The following ARID4A variants were observed in gnomAD, a reference collection of about 807,000 sequenced individuals.
ARID4A encodes AT-rich interaction domain 4A, also known as AT-rich interactive domain-containing protein 4A.
In ARID4A, 39 loss-of-function variants were observed where a neutral mutation model predicts 148.6. The observed-to-expected ratio is 0.26, with a 90% CI of 0.20 to 0.34. The LOEUF (loss-of-function observed/expected upper bound fraction) is 0.34. Ranked by LOEUF, ARID4A falls within the 10% of genes least tolerant of loss-of-function variation. The probability of loss-of-function intolerance (pLI) is 1.00; values close to 1 mark genes in which losing one functional copy is unlikely to be tolerated. For synonymous variants in ARID4A, 475 were observed against 481.2 expected (o/e 0.99, Z 0.17); for missense variants, 1,265 against 1,449.1 (o/e 0.87, Z 2.06).
At chr14:58,348,795 T>C (rs1349154751) in intron 15 of ARID4A, among the ~76,000 whole-genome samples, 2 of 152,222 alleles carry the variant, frequency 1.3e-5, no homozygotes, top group Non-Finnish European at 2.9e-5. Flanking sequence ...TGGAATCTTC[T>C]AGTGAATGTC....
At chr14:58,324,151 A>G (rs1010405800) in intron 8 of ARID4A, among the ~76,000 whole-genome samples, 5 of 151,698 alleles carry the variant, frequency 3.3e-5, no homozygotes, top group Non-Finnish European at 5.9e-5. Flanking sequence ...TGGTCCGCCC[A>G]CCTCGGCCTC....
At chr14:58,310,073 C>CA in intron 5 of ARID4A, among the ~76,000 whole-genome samples, 1 of 151,560 alleles carries the variant, frequency 6.6e-6, no homozygotes, top group Admixed American at 6.6e-5. Context: ...AAGTAGTAAA[C>CA]AAAAAAAAGT....
intron 11 of ARID4A, among the ~76,000 whole-genome samples, chr14:58,336,437 T>C (rs989990166): frequency 3.3e-5 from 5 of 152,246 alleles, no homozygotes; most frequent in African/African-American, 1.2e-4. Context: ...TCACCTGAGT[T>C]GCCAGACTTA....
intron 14 of ARID4A, 107 bp from the exon 15 acceptor site, chr14:58,347,540 T>A (rs1407779558): frequency 5.8e-6 from 5 of 857,154 alleles, no homozygotes; most frequent in Admixed American, 3.5e-5. Context: ...GTAACAAAAA[T>A]TTTTTTAAAT....
At chr14:58,347,949 T>G (rs1020607315) in intron 15 of ARID4A, 71 bp downstream of exon 15, 2 of 1,068,840 alleles carry the variant, frequency 1.9e-6, no homozygotes, top group Non-Finnish European at 2.7e-6. Flanking sequence ...CATTTTCATA[T>G]ATACACAAAA....
chr14:58,313,890 C>G (rs2032227332), intron 5 of ARID4A, among the ~76,000 whole-genome samples: 1 of 152,112 alleles, frequency 6.6e-6, no homozygotes, highest in Non-Finnish European at 1.5e-5. Context: ...GGCCTCCGGC[C>G]AATTGGATGG....
rs768220344 is a variant in ARID4A, at chr14:58,365,118, C to T, written c.3029C>T (p.Thr1010Ile). The change falls in exon 20 of 24, where the codon ACT (threonine) becomes ATT (isoleucine). Residue 1010 changes from threonine (T) to isoleucine (I), a missense_variant. Physicochemically the swap from Thr to Ile is moderately conservative, Grantham distance 89. Around this residue, in one of 9 missense-constraint regions of ARID4A, gnomAD observed 666 missense variants for 730.9 expected, o/e 0.91. Coordinates refer to ENST00000355431, the MANE Select transcript of ARID4A (RefSeq NM_002892.4). ...AACTTTTCAGTAGCTTCACCACTTACTCTTAGTCAAGATGAGTCTCGAAGC... is the reference window on the plus strand; with the variant it reads ...AACTTTTCAGTAGCTTCACCACTTATTCTTAGTCAAGATGAGTCTCGAAGC... ...QHNFSVASPLTLSQDESRSVK... is the reference protein window; with the variant it reads ...QHNFSVASPLILSQDESRSVK... 6.2e-7 allele frequency: 1 copy of T among 1,614,122 alleles called. No homozygotes were observed. The highest frequency in any genetic ancestry group is 1.7e-5 in the Admixed American group (1 of 60,026).
intron 5 of ARID4A, among the ~76,000 whole-genome samples, chr14:58,308,087 A>C (rs992259168): frequency 6.6e-6 from 1 of 152,198 alleles, no homozygotes; most frequent in Admixed American, 6.5e-5. Context: ...TTTATCCCAG[A>C]GTAGTTATTC....
At position 58,360,913 on chromosome 14, in the gene ARID4A, A is replaced by C. The variant is rs754935643; in HGVS notation, c.1951A>C (p.Ser651Arg). 2 of 1,614,128 alleles carry C rather than the reference A, an allele frequency of 1.2e-6. No homozygotes were observed. The highest frequency in any genetic ancestry group is 2.2e-5 in the South Asian group (2 of 91,084). ...QKKKAKNKED[S>R]EKDEKRDEER... ...TGTTGTTGCCCAGAATAAAGAAGAT[A>C]GTGAAAAGGACGAAAAGAGAGATGA... Residue 651 changes from serine (S) to arginine (R), a missense_variant, in exon 19 of 24, where the codon AGT becomes CGT. Around this residue, in one of 9 missense-constraint regions of ARID4A, gnomAD observed 666 missense variants for 730.9 expected, o/e 0.91. Coordinates refer to ENST00000355431, the MANE Select transcript of ARID4A (RefSeq NM_002892.4).
At chr14:58,304,894 G>A in intron 3 of ARID4A, 50 bp from the exon 4 acceptor site, 1 of 1,419,178 alleles carries the variant, frequency 7.0e-7, no homozygotes, top group Non-Finnish European at 9.9e-7. Context: ...TACTATAAAT[G>A]TATTTGTTTT....
chr14:58,320,536 A>T (rs1252165570), intron 7 of ARID4A, among the ~76,000 whole-genome samples: 1 of 150,214 alleles, frequency 6.7e-6, no homozygotes, highest in African/African-American at 2.5e-5. Context: ...TATAGTTTAT[A>T]TGGTTCTTGA....
At chr14:58,334,930 C>T (rs1282172309) in intron 11 of ARID4A, among the ~76,000 whole-genome samples, 1 of 152,144 alleles carries the variant, frequency 6.6e-6, no homozygotes, top group South Asian at 2.1e-4. Context: ...CTTTCCTCTC[C>T]AGATAACTAC....
intron 22 of ARID4A, 59 bp downstream of exon 22, chr14:58,366,289 A>G: frequency 1.6e-6 from 2 of 1,276,984 alleles, no homozygotes; most frequent in Non-Finnish European, 2.2e-6. Flanking sequence ...AGATCTTAAA[A>G]TATCAACTTG....
At position 58,318,799 on chromosome 14, in the gene ARID4A, T is replaced by C. The variant is rs142328091; in HGVS notation, c.443T>C (p.Leu148Pro). 11 of 1,611,740 alleles carry C rather than the reference T, an allele frequency of 6.8e-6. No individual in the cohort carries two copies. The highest frequency in any genetic ancestry group is 6.8e-6 in the Non-Finnish European group (8 of 1,178,026). Residue 148 changes from leucine to proline, a missense_variant, in exon 7 of 24, where the codon CTT becomes CCT. Coordinates refer to ENST00000355431, the MANE Select transcript of ARID4A (RefSeq NM_002892.4). ...ACGAACAGAGGAAGGAGATCTTCTC[T>C]TCCTGTGTGAGTTTTTTCATATATG... ...KKTNRGRRSSLPVTEDEKEEE... is the reference protein window; with the variant it reads ...KKTNRGRRSSPPVTEDEKEEE...
chr14:58,318,706 T>A lies in ARID4A; in HGVS notation c.355-5T>A. Reference sequence around the variant, plus strand: ...CGTAATTTAATTAATCTATTTCTTATACAGACACTTGACCAGCTTCCATTA... The same window carrying A: ...CGTAATTTAATTAATCTATTTCTTAAACAGACACTTGACCAGCTTCCATTA... On this transcript the variant is annotated splice_region_variant and splice_polypyrimidine_tract_variant and intron_variant, in intron 6 of 23. Transcript: ENST00000355431. 1 of 1,613,904 alleles carries A rather than the reference T, an allele frequency of 6.2e-7. No homozygotes were observed. Among genetic ancestry groups the A allele is most frequent in the Non-Finnish European group, 8.5e-7 (1 of 1,179,776 alleles).
At chr14:58,340,786 C>T (rs1007367111) in intron 11 of ARID4A, among the ~76,000 whole-genome samples, 4 of 152,152 alleles carry the variant, frequency 2.6e-5, no homozygotes, top group Admixed American at 2.0e-4. Context: ...TGCCCGGCCC[C>T]ACCTGTGTCT....
chr14:58,301,111 C>T (rs528202220), intron 2 of ARID4A, among the ~76,000 whole-genome samples: 10 of 152,238 alleles, frequency 6.6e-5, no homozygotes, highest in African/African-American at 2.4e-4. Context: ...ATGATACTTT[C>T]CTTATGAAAA....
intron 9 of ARID4A, 68 bp downstream of exon 9, chr14:58,328,384 C>T (rs1366108133): frequency 4.0e-6 from 4 of 1,005,488 alleles, no homozygotes; most frequent in Non-Finnish European, 3.0e-6. Flanking sequence ...ATGATAGACA[C>T]CTCCCCCACC....
intron 17 of ARID4A, among the ~76,000 whole-genome samples, chr14:58,354,069 C>A (rs1594948412): frequency 6.6e-6 from 1 of 152,114 alleles, no homozygotes; most frequent in Non-Finnish European, 1.5e-5. Flanking sequence ...GTAGTTAGAA[C>A]AAGTTACATT....
Sources: gnomAD v4.1 joint callset for allele counts (sites outside exome capture counted in the v4.1 genomes callset) on GRCh38, gnomAD v4.1.1 for gene constraint, gnomAD v4.1.1 regional missense constraint, MANE v1.5 for transcripts, NCBI Gene and HGNC (gene_info 2026-07-23, HGNC 2026-07-21) for gene names.